Variants in CNTNAP2 observed in about 807,000 individuals in gnomAD.
CNTNAP2 encodes contactin-associated protein-like 2.
CNTNAP2 carries 98 observed loss-of-function variants against 155.2 expected under a neutral mutation model. The observed-to-expected ratio is 0.63, with a 90% confidence interval of 0.54 to 0.75. The LOEUF (loss-of-function observed/expected upper bound fraction) is 0.75, where lower values mean the gene tolerates loss of function less well. Among genes scored for constraint, CNTNAP2 ranks in the 30% least tolerant of loss-of-function variants. CNTNAP2 has a pLI of 0.00. For missense variants in CNTNAP2, 1,727 were observed against 1,688.1 expected, an observed-to-expected ratio of 1.02 and a Z score of -0.40; for synonymous variants, 651 against 631.2, an observed-to-expected ratio of 1.03 and a Z score of -0.47.
At position 147,022,760 on chromosome 7, in the gene CNTNAP2, C is replaced by A. The variant is rs377347489; in HGVS notation, c.403-21147C>A. Among the ~76,000 whole-genome samples, 488 of 152,126 alleles carry A rather than the reference C, an allele frequency of 3.2e-3. 33 individuals are homozygous for A. In the South Asian group the frequency reaches 0.088, roughly 28 times the overall value. On this transcript the variant is annotated intron_variant, in intron 3 of 23. Coordinates refer to ENST00000361727, the MANE Select transcript of CNTNAP2 (RefSeq NM_014141.6). The stretch of plus-strand genomic sequence containing the variant: ...ACTACTTTTATCCCAATTCGAATAT[C>A]ATTCTTGTGGAATTTGCCAAAGTAT...
chr7:146,640,710 T>C (rs1799689962), intron 1 of CNTNAP2, among the ~76,000 whole-genome samples: 1 of 152,236 alleles, frequency 6.6e-6, no homozygotes, highest in Non-Finnish European at 1.5e-5. Context: ...GTTGCACTAA[T>C]GTGCTCTTGT....
chr7:146,527,297 C>A (rs1797704591), intron 1 of CNTNAP2, among the ~76,000 whole-genome samples: 1 of 152,090 alleles, frequency 6.6e-6, no homozygotes, highest in African/African-American at 2.4e-5. Flanking sequence ...TCAGTAGTCA[C>A]CTACTTGTAT....
In CNTNAP2 at chr7:148,295,622, G is replaced by A. The variant is rs559519280; in HGVS notation, c.3475+28496G>A. Among the ~76,000 whole-genome samples, 196 of 136,292 alleles carry A rather than the reference G, an allele frequency of 1.4e-3. 1 individual carries two copies. Among genetic ancestry groups the A allele is most frequent in the Non-Finnish European group, 2.4e-3 (152 of 62,840 alleles). The allele number at this position is 136,292 out of a possible 152,430, so 89.4% of individuals were successfully genotyped here. On this transcript the variant is annotated intron_variant, in intron 21 of 23. Coordinates refer to ENST00000361727, the MANE Select transcript of CNTNAP2 (RefSeq NM_014141.6). ...TTCTCCTGCCTCAGCCTCCCGAGTA[G>A]CTGGGACTACCGGTGCCCGCCACCG...
chr7:148,232,184 A>G (rs1246492776), intron 20 of CNTNAP2, among the ~76,000 whole-genome samples: 2 of 152,160 alleles, frequency 1.3e-5, no homozygotes, highest in African/African-American at 4.8e-5. Context: ...AAAGAAAGTA[A>G]AGATAGAGGT....
chr7:147,574,432 C>A (rs189676662), intron 12 of CNTNAP2, among the ~76,000 whole-genome samples: 1 of 152,166 alleles, frequency 6.6e-6, no homozygotes, highest in African/African-American at 2.4e-5. Context: ...AGTACAGTCC[C>A]ATTTTACTCC....
chr7:147,659,247 C>A (rs1795577417), intron 13 of CNTNAP2, among the ~76,000 whole-genome samples: 1 of 152,130 alleles, frequency 6.6e-6, no homozygotes, highest in African/African-American at 2.4e-5. Context: ...TGTTGGAATT[C>A]ATTGTCAGGA....
In CNTNAP2 at chr7:147,848,570, G is replaced by A. The variant is rs537457490; in HGVS notation, c.2099-54995G>A. ...ATCACCCGTCTTCTGCGTCACTCAC[G>A]CTGGGAGCTGTAGACCGGAGCTGTT... On this transcript the variant is annotated intron_variant, in intron 13 of 23. Coordinates refer to ENST00000361727, the MANE Select transcript of CNTNAP2 (RefSeq NM_014141.6). Among the ~76,000 whole-genome samples, 10 of 151,928 alleles carry A rather than the reference G, an allele frequency of 6.6e-5. No individual in the cohort carries two copies. In the East Asian group the frequency reaches 1.6e-3, roughly 24 times the overall value.
At chr7:146,781,544 G>T (rs1429347731) in intron 2 of CNTNAP2, among the ~76,000 whole-genome samples, 1 of 152,022 alleles carries the variant, frequency 6.6e-6, no homozygotes, top group African/African-American at 2.4e-5. Context: ...TAAGCATGAC[G>T]CCAACCTCTT....
At chr7:146,334,344 T>A (rs2129095238) in intron 1 of CNTNAP2, among the ~76,000 whole-genome samples, 1 of 148,432 alleles carries the variant, frequency 6.7e-6, no homozygotes, top group East Asian at 2.0e-4. Flanking sequence ...GGCAGGAGAA[T>A]GGCGTGAACC....
At chr7:146,388,321 GCTA>G (rs756527438) in intron 1 of CNTNAP2, among the ~76,000 whole-genome samples, 1 of 151,924 alleles carries the variant, frequency 6.6e-6, no homozygotes, top group East Asian at 1.9e-4. Flanking sequence ...TGTAGTTCCA[GCTA>G]CAAGGGAGTA....
chr7:147,146,171 C>G (rs577049738), intron 8 of CNTNAP2: 2 of 152,128 alleles, frequency 1.3e-5, no homozygotes, highest in African/African-American at 2.4e-5. Context: ...GGGAAAGGAG[C>G]CTTAACTAGC....
chr7:146,822,086 C>T (rs911170327), intron 2 of CNTNAP2, among the ~76,000 whole-genome samples: 4 of 151,990 alleles, frequency 2.6e-5, no homozygotes, highest in South Asian at 2.1e-4. Context: ...TGTCCAGCAA[C>T]GATAGACTGG....
At chr7:148,154,003 T>C (rs907054664) in intron 17 of CNTNAP2, among the ~76,000 whole-genome samples, 1 of 152,214 alleles carries the variant, frequency 6.6e-6, no homozygotes, top group African/African-American at 2.4e-5. Context: ...GTCAAGCTCC[T>C]AAGTGGCTCC....
At chr7:147,842,565 T>C in intron 13 of CNTNAP2, among the ~76,000 whole-genome samples, 1 of 145,918 alleles carries the variant, frequency 6.9e-6, no homozygotes, top group East Asian at 2.0e-4. Flanking sequence ...TTCTTTTTTT[T>C]TTTTTTTTAC....
intron 10 of CNTNAP2, among the ~76,000 whole-genome samples, chr7:147,438,846 T>TG (rs1253946360): frequency 1.3e-5 from 2 of 151,974 alleles, no homozygotes; most frequent in Admixed American, 1.3e-4. Context: ...ATTTGTCCAT[T>TG]TTTTTCCCTA....
At chr7:147,838,377 T>G (rs1464989199) in intron 13 of CNTNAP2, among the ~76,000 whole-genome samples, 1 of 152,116 alleles carries the variant, frequency 6.6e-6, no homozygotes, top group Non-Finnish European at 1.5e-5. Context: ...GCAGCCAGCT[T>G]GAATATCTCC....
intron 13 of CNTNAP2, among the ~76,000 whole-genome samples, chr7:147,680,897 A>G (rs554745877): frequency 6.6e-6 from 1 of 151,978 alleles, no homozygotes; most frequent in South Asian, 2.1e-4. Context: ...ACCCAATTAA[A>G]TTTTTATTAA....
chr7:146,912,178 G>C (rs562079527), intron 3 of CNTNAP2, among the ~76,000 whole-genome samples: 1 of 150,040 alleles, frequency 6.7e-6, no homozygotes, highest in African/African-American at 2.5e-5. Context: ...GGCTGTATTC[G>C]TCAGCATAAG....
chr7:147,200,252 CT>C (rs1299752424), intron 8 of CNTNAP2, among the ~76,000 whole-genome samples: 1 of 152,144 alleles, frequency 6.6e-6, no homozygotes, highest in African/African-American at 2.4e-5. Flanking sequence ...AATGCCAAGA[CT>C]TGTGAGAGGG....
Sources: gnomAD v4.1 joint callset for allele counts (sites outside exome capture counted in the v4.1 genomes callset) on GRCh38, gnomAD v4.1.1 for gene constraint, MANE v1.5 for transcripts, NCBI Gene and HGNC (gene_info 2026-07-23, HGNC 2026-07-21) for gene names.